ABCB4: variants seen among roughly 807,000 people sequenced by gnomAD.
The protein encoded by ABCB4 is phosphatidylcholine translocator ABCB4.
ABCB4 carries 76 observed loss-of-function variants against 145.7 expected under a neutral mutation model. The observed-to-expected ratio is 0.52, with a 90% confidence interval of 0.43 to 0.63. The LOEUF (loss-of-function observed/expected upper bound fraction) is 0.63, where lower values mean the gene tolerates loss of function less well. Among genes scored for constraint, ABCB4 ranks in the 30% least tolerant of loss-of-function variants. The pLI is 0.00. For missense variants in ABCB4, 1,234 were observed against 1,553.1 expected, an observed-to-expected ratio of 0.79 and a Z score of 3.45; for synonymous variants, 517 against 566.8, an observed-to-expected ratio of 0.91 and a Z score of 1.25.
In ABCB4 at chr7:87,428,454, AATAT is replaced by A. The variant is rs142336600; in HGVS notation, c.1894-1538_1894-1535del. Among the ~76,000 whole-genome samples, 84 of 152,356 alleles carry A rather than the reference AATAT, an allele frequency of 5.5e-4. No homozygotes were observed. The East Asian group carries it at 0.013, about 24-fold the overall frequency. On this transcript the variant is annotated intron_variant, in intron 15 of 27. Transcript: ENST00000649586. Reference sequence around the variant, plus strand: ...AAAAATGCTGAAAGGAAATGGGGTAAATATCCTTTCGGAGAACAACCTCAAATCC... The same window carrying A: ...AAAAATGCTGAAAGGAAATGGGGTAACCTTTCGGAGAACAACCTCAAATCC...
chr7:87,455,510 A>G (rs909547175), intron 4 of ABCB4, among the ~76,000 whole-genome samples: 1 of 152,246 alleles, frequency 6.6e-6, no homozygotes, highest in African/African-American at 2.4e-5. Context: ...ACTCAATGTC[A>G]TACAGCTAGT....
intron 14 of ABCB4, 121 bp downstream of exon 14, chr7:87,439,546 G>A: frequency 8.6e-7 from 1 of 1,158,458 alleles, no homozygotes; most frequent in Non-Finnish European, 1.3e-6. Context: ...AATCAATACA[G>A]CTCCATGAGG....
chr7:87,412,133 A>T, intron 22 of ABCB4, 100 bp from the exon 23 acceptor site: 3 of 1,249,072 alleles, frequency 2.4e-6, no homozygotes, highest in African/African-American at 1.5e-5. Context: ...AGTGGGTTTA[A>T]GTTCCACCTC....
intron 14 of ABCB4, among the ~76,000 whole-genome samples, chr7:87,436,619 A>G (rs959456460): frequency 6.6e-6 from 1 of 152,178 alleles, no homozygotes; most frequent in Non-Finnish European, 1.5e-5. Context: ...TGAAAAAGGA[A>G]AGCCCTCTTA....
the ABCB4 span, chr7:87,369,502 T>C: frequency 6.5e-7 from 1 of 1,542,252 alleles, no homozygotes; most frequent in Non-Finnish European, 9.0e-7. Context: ...GACTACTTTC[T>C]TGAGTTTCAT....
intron 15 of ABCB4, among the ~76,000 whole-genome samples, chr7:87,430,747 G>A (rs1415212407): frequency 6.6e-6 from 1 of 151,992 alleles, no homozygotes; most frequent in African/African-American, 2.4e-5. Context: ...GGCTCGTCTC[G>A]AACTCCTGAC....
chr7:87,420,177 T>C, intron 18 of ABCB4, 102 bp from the exon 19 acceptor site: 2 of 1,110,190 alleles, frequency 1.8e-6, no homozygotes, highest in Non-Finnish European at 2.7e-6. Flanking sequence ...TGAGTTGTTT[T>C]ACAGTTGCCA....
At chr7:87,434,030 G>C (rs1584730269) in intron 14 of ABCB4, among the ~76,000 whole-genome samples, 1 of 151,286 alleles carries the variant, frequency 6.6e-6, no homozygotes, top group East Asian at 1.9e-4. Context: ...CTGGGATCAA[G>C]CGATTACCCT....
At chr7:87,411,612 T>A (rs1808630426) in intron 23 of ABCB4, among the ~76,000 whole-genome samples, 1 of 152,184 alleles carries the variant, frequency 6.6e-6, no homozygotes, top group South Asian at 2.1e-4. Flanking sequence ...CTATATTCTA[T>A]AATGAGAAAA....
chr7:87,462,678 G>A (rs1812543203), intron 4 of ABCB4, 80 bp downstream of exon 4: 2 of 1,329,614 alleles, frequency 1.5e-6, no homozygotes, highest in Non-Finnish European at 1.1e-6. Context: ...AGATGGTAAT[G>A]AATAGCAAAA....
chr7:87,446,864 T>C (rs1013350412), intron 9 of ABCB4, among the ~76,000 whole-genome samples, 170 bp downstream of exon 9: 1 of 152,214 alleles, frequency 6.6e-6, no homozygotes, highest in African/African-American at 2.4e-5. Context: ...AATTATGACT[T>C]GTATATACTA....
chr7:87,440,507 G>A, intron 12 of ABCB4, 105 bp from the exon 13 acceptor site: 2 of 947,592 alleles, frequency 2.1e-6, no homozygotes, highest in Non-Finnish European at 3.2e-6. Context: ...TTGGTTCAGT[G>A]TTTAGAAATA....
chr7:87,434,830 C>G (rs936478463), intron 14 of ABCB4, among the ~76,000 whole-genome samples: 2 of 152,200 alleles, frequency 1.3e-5, no homozygotes, highest in African/African-American at 2.4e-5. Flanking sequence ...TATTTAGCCT[C>G]TACTATGTGC....
At chr7:87,430,899 C>A (rs1446644383) in intron 15 of ABCB4, among the ~76,000 whole-genome samples, 1 of 152,132 alleles carries the variant, frequency 6.6e-6, no homozygotes, top group East Asian at 1.9e-4. Flanking sequence ...TTATTAGGAT[C>A]ATCTGGGAAA....
intron 14 of ABCB4, 108 bp downstream of exon 14, chr7:87,439,559 G>A: frequency 8.0e-7 from 1 of 1,254,556 alleles, no homozygotes; most frequent in Non-Finnish European, 1.2e-6. Context: ...CCATGAGGTA[G>A]CTCCATTTGC....
intron 3 of ABCB4, among the ~76,000 whole-genome samples, chr7:87,471,956 T>G (rs1391930631): frequency 6.6e-6 from 1 of 152,224 alleles, no homozygotes; most frequent in African/African-American, 2.4e-5. Context: ...AAGCTTATTT[T>G]AAGCTAAATT....
In ABCB4 at chr7:87,401,997, A is replaced by G. The variant is rs1293519784; in HGVS notation, c.*99T>C. 1 of 1,471,868 alleles carries G rather than the reference A, an allele frequency of 6.8e-7. No homozygotes were observed. Among genetic ancestry groups the G allele is most frequent in the South Asian group, 1.2e-5 (1 of 83,464 alleles). 91.2% of individuals were successfully genotyped at this position (1,471,868 alleles called of 1,614,324 possible). A position where few individuals can be genotyped will look rare whatever the true frequency, so the allele number is the denominator to read the frequency against. On this transcript the variant is annotated 3_prime_UTR_variant, in exon 28 of 28. Coordinates refer to ENST00000649586, the MANE Select transcript of ABCB4 (RefSeq NM_000443.4). ...AATTGATCTAGAATGAGACAGACAT[A>G]CCTATGTTTTATGATGACAAACCAG... is the stretch of plus-strand genomic sequence containing the variant.
the ABCB4 span, among the ~76,000 whole-genome samples, chr7:87,380,607 A>G: frequency 6.6e-6 from 1 of 152,222 alleles, no homozygotes; most frequent in East Asian, 1.9e-4. Context: ...GCAAGAAATG[A>G]AAGGTAAAAA....
chr7:87,424,133 T>C, intron 16 of ABCB4, 81 bp from the exon 17 acceptor site: 1 of 1,594,314 alleles, frequency 6.3e-7, no homozygotes, highest in Non-Finnish European at 8.6e-7. Context: ...GGCATGGCCA[T>C]TGCCCTCAAG....
Sources: allele counts gnomAD v4.1 joint callset (sites outside exome capture counted in the v4.1 genomes callset), GRCh38; gene constraint gnomAD v4.1.1; transcripts MANE v1.5; gene names NCBI Gene and HGNC (gene_info 2026-07-23, HGNC 2026-07-21).